Variants in MBD3L1 observed in about 807,000 individuals in gnomAD.
MBD3L1 encodes methyl-CpG-binding domain protein 3-like 1.
For synonymous variants in MBD3L1, 84 were observed against 85.1 expected, an observed-to-expected ratio of 0.99 and a Z score of 0.07; for missense variants, 203 against 230.1, an observed-to-expected ratio of 0.88 and a Z score of 0.76.
intron 1 of MBD3L1, among the ~76,000 whole-genome samples, chr19:8,840,170 C>T (rs1412697363): frequency 4.4e-5 from 6 of 137,786 alleles, no homozygotes; most frequent in South Asian, 2.3e-4. Context: ...GGCTATAGAG[C>T]GGGACTCCGT....
intron 1 of MBD3L1, among the ~76,000 whole-genome samples, chr19:8,834,212 C>CA (rs2044427636): frequency 6.6e-6 from 1 of 152,102 alleles, no homozygotes; most frequent in Non-Finnish European, 1.5e-5. Flanking sequence ...GAAGTTTAAG[C>CA]AAAAATGAAC....
At chr19:8,833,168 T>A (rs2044404445) in intron 1 of MBD3L1, 1 of 152,206 alleles carries the variant, frequency 6.6e-6, no homozygotes. Context: ...GGAGATCAGA[T>A]TCAGGGGTAG....
intron 1 of MBD3L1, chr19:8,833,560 A>T (rs1051075529): frequency 6.6e-6 from 1 of 152,240 alleles, no homozygotes; most frequent in Non-Finnish European, 1.5e-5. Flanking sequence ...TGTTTTATAC[A>T]CCATGGATAT....
In MBD3L1 at chr19:8,840,896, G is replaced by A. The variant is rs553660506; in HGVS notation, c.-106-19G>A. 2.6e-4 allele frequency: 40 copies of A among 152,226 alleles called. No homozygotes were observed. The highest frequency in any genetic ancestry group is 8.9e-4 in the African/African-American group (37 of 41,548). 9.4% of individuals were successfully genotyped at this position (152,226 alleles called of 1,614,324 possible). On this transcript the variant is annotated intron_variant, in intron 1 of 2. Coordinates refer to ENST00000595891, the MANE Select transcript of MBD3L1 (RefSeq NM_001393532.1). Reference sequence around the variant, plus strand: ...TAGTGGCACTAAGACGTCATGTCACGTGATTCTTTTTTCAGCAGTGATCAT... The same window carrying A: ...TAGTGGCACTAAGACGTCATGTCACATGATTCTTTTTTCAGCAGTGATCAT...
At chr19:8,835,680 C>A (rs559294161) in intron 1 of MBD3L1, among the ~76,000 whole-genome samples, 2 of 110,112 alleles carry the variant, frequency 1.8e-5, no homozygotes, top group African/African-American at 5.9e-5. Flanking sequence ...CCAGTATATG[C>A]CCAAGAGAAA....
At chr19:8,840,459 AC>A (rs2044500846) in intron 1 of MBD3L1, among the ~76,000 whole-genome samples, 1 of 151,824 alleles carries the variant, frequency 6.6e-6, no homozygotes. Context: ...ATGTATCATC[AC>A]CCCCAGCTAA....
rs147366283 is a variant in MBD3L1, at chr19:8,840,668, G to T, written c.-106-247G>T. On this transcript the variant is annotated intron_variant, in intron 1 of 2. Coordinates refer to ENST00000595891, the MANE Select transcript of MBD3L1 (RefSeq NM_001393532.1). Reference sequence around the variant, plus strand: ...CATTCAATGCTTATCAGGGATATTTGCAGATTTGGCAACTAACGTCTTTGG... The same window carrying T: ...CATTCAATGCTTATCAGGGATATTTTCAGATTTGGCAACTAACGTCTTTGG... Among the ~76,000 whole-genome samples the T allele has an allele frequency of 9.5e-4, 145 of 152,240 alleles. 1 individual carries two copies. Among genetic ancestry groups the T allele is most frequent in the African/African-American group, 3.4e-3 (143 of 41,536 alleles).
At position 8,838,192 on chromosome 19, in the gene MBD3L1, G is replaced by A. The variant is rs199518162; in HGVS notation, c.-106-2723G>A. Reference sequence around the variant, plus strand: ...GAACCCAGGAGGCAGAGGTTGCAGTGAGCCGAGATCGCATCACTGCACTGC... The same window carrying A: ...GAACCCAGGAGGCAGAGGTTGCAGTAAGCCGAGATCGCATCACTGCACTGC... On this transcript the variant is annotated intron_variant, in intron 1 of 2. Transcript: ENST00000595891. Among the ~76,000 whole-genome samples the A allele has an allele frequency of 1.0e-4, 14 of 134,988 alleles. No individual in the cohort carries two copies. In the East Asian group the frequency reaches 3.2e-3, roughly 31 times the overall value. 88.6% of individuals were successfully genotyped at this position (134,988 alleles called of 152,430 possible).
chr19:8,842,617 C>T, intron 2 of MBD3L1, 41 bp from the exon 3 acceptor site: 1 of 1,409,942 alleles, frequency 7.1e-7, no homozygotes, highest in Non-Finnish European at 9.8e-7. Context: ...AGGCAGGCTT[C>T]ATTGATCAAT....
At chr19:8,834,146 G>GA (rs1196219195) in intron 1 of MBD3L1, among the ~76,000 whole-genome samples, 1 of 152,120 alleles carries the variant, frequency 6.6e-6, no homozygotes, top group Non-Finnish European at 1.5e-5. Context: ...CGTCCTTTCA[G>GA]AAAAAAATAG....
Position 8,842,871 on chromosome 19 carries a change from G to T in MBD3L1, c.193G>T (p.Val65Phe). ...WEESLEKPQQ[V>F]CWQRRLQGLQ... ...GGAGAGCTTGGAGAAGCCTCAGCAGGTCTGCTGGCAGAGGAGACTGCAGGG... is the reference window on the plus strand; with the variant it reads ...GGAGAGCTTGGAGAAGCCTCAGCAGTTCTGCTGGCAGAGGAGACTGCAGGG... The change falls in exon 3 of 3, where the codon GTC becomes TTC. Residue 65 changes from valine to phenylalanine, a missense_variant. Physicochemically the swap from Val to Phe is conservative, Grantham distance 50. Coordinates refer to ENST00000595891, the MANE Select transcript of MBD3L1 (RefSeq NM_001393532.1). 4 of 1,614,206 alleles carry T rather than the reference G, an allele frequency of 2.5e-6. No homozygotes were observed. Among genetic ancestry groups the T allele is most frequent in the Non-Finnish European group, 3.4e-6 (4 of 1,180,038 alleles).
chr19:8,842,588 T>A (rs1390098328), intron 2 of MBD3L1, 70 bp from the exon 3 acceptor site: 1 of 1,139,540 alleles, frequency 8.8e-7, no homozygotes, highest in Non-Finnish European at 1.3e-6. Context: ...CCAGAACAGC[T>A]GAGATCCTTG....
At chr19:8,836,616 C>T (rs539483245) in intron 1 of MBD3L1, among the ~76,000 whole-genome samples, 5 of 152,146 alleles carry the variant, frequency 3.3e-5, no homozygotes, top group East Asian at 1.9e-4. Context: ...CTCAGCTTCC[C>T]GAGTAGCTGG....
rs150231304 is a variant in MBD3L1, at chr19:8,832,967, T to TG, written c.-107+449dup. 0.017 allele frequency: 1,703 copies of TG among 101,328 alleles called. 54 individuals are homozygous for TG. The East Asian group carries it at 0.17, about 10-fold the overall frequency. 6.3% of individuals were successfully genotyped at this position (101,328 alleles called of 1,614,324 possible). A position where few individuals can be genotyped will look rare whatever the true frequency, so the allele number is the denominator to read the frequency against. ...GAGAGCAGTTCTAGGGGCGGAGCTA[T>TG]GGGGTGGCAGCAAGCCTGGGGGCGG... On this transcript the variant is annotated intron_variant, in intron 1 of 2. Coordinates refer to ENST00000595891, the MANE Select transcript of MBD3L1 (RefSeq NM_001393532.1).
intron 1 of MBD3L1, among the ~76,000 whole-genome samples, chr19:8,836,744 G>A (rs2044460262): frequency 6.6e-6 from 1 of 152,122 alleles, no homozygotes; most frequent in Non-Finnish European, 1.5e-5. Context: ...CCTTTGCCTT[G>A]GCTGCCCAAA....
rs746845434 is a variant in MBD3L1, at chr19:8,843,264, GA to G, written c.*8del. 5 of 1,547,766 alleles carry G rather than the reference GA, an allele frequency of 3.2e-6. No individual in the cohort carries two copies. Among genetic ancestry groups the G allele is most frequent in the African/African-American group, 1.4e-5 (1 of 72,264 alleles). ...AGAAGGCCGTCCTGAAAAACGCTAA[GA>G]AAAAAAGGGAAGATAGTGCAGATGA... On this transcript the variant is annotated 3_prime_UTR_variant, in exon 3 of 3. Coordinates refer to ENST00000595891, the MANE Select transcript of MBD3L1 (RefSeq NM_001393532.1).
chr19:8,839,914 A>G (rs377693791), intron 1 of MBD3L1, among the ~76,000 whole-genome samples: 3 of 152,058 alleles, frequency 2.0e-5, no homozygotes, highest in African/African-American at 7.2e-5. Context: ...AGTTAAAGAT[A>G]TGGGGGCATC....
At chr19:8,839,417 G>T (rs999013635) in intron 1 of MBD3L1, among the ~76,000 whole-genome samples, 1 of 152,018 alleles carries the variant, frequency 6.6e-6, no homozygotes, top group Non-Finnish European at 1.5e-5. Context: ...AGCTAGGATG[G>T]TCTCAATCTC....
chr19:8,834,604 C>CAAAAAA (rs34714268), intron 1 of MBD3L1, among the ~76,000 whole-genome samples: 1 of 88,576 alleles, frequency 1.1e-5, no homozygotes. Flanking sequence ...GAGACTCCAT[C>CAAAAAA]AAAAAAAAAA....
Sources: allele counts gnomAD v4.1 joint callset (sites outside exome capture counted in the v4.1 genomes callset), GRCh38; gene constraint gnomAD v4.1.1; transcripts MANE v1.5; gene names NCBI Gene and HGNC (gene_info 2026-07-23, HGNC 2026-07-21).